CECR2: variants seen among roughly 807,000 people sequenced by gnomAD.
CECR2 encodes the protein chromatin remodeling regulator CECR2.
CECR2 carries 30 observed loss-of-function variants against 154.5 expected under a neutral mutation model. That is an observed-to-expected ratio of 0.19 (90% CI 0.15 to 0.26). The LOEUF (loss-of-function observed/expected upper bound fraction) is 0.26. Among genes scored for constraint, CECR2 ranks in the 10% least tolerant of loss-of-function variants. CECR2 has a pLI of 1.00. For missense variants in CECR2, 1,743 were observed against 1,829.3 expected (o/e 0.95, Z 0.86); for synonymous variants, 725 against 683.7 (o/e 1.06, Z -0.94).
chr22:17,461,854 A>G (rs1302561226), intron 1 of CECR2, among the ~76,000 whole-genome samples: 3 of 148,458 alleles, frequency 2.0e-5, no homozygotes, highest in African/African-American at 7.5e-5. Context: ...GTGCAATGGC[A>G]CAACCTTGGC....
At chr22:17,501,051 G>A (rs1159601040) in intron 5 of CECR2, among the ~76,000 whole-genome samples, 3 of 152,062 alleles carry the variant, frequency 2.0e-5, no homozygotes, top group African/African-American at 7.2e-5. Flanking sequence ...AAGATACTTG[G>A]GGGATTTTCT....
At chr22:17,442,173 A>G (rs2054594773) in intron 1 of CECR2, among the ~76,000 whole-genome samples, 1 of 152,224 alleles carries the variant, frequency 6.6e-6, no homozygotes, top group East Asian at 1.9e-4. Context: ...AGAGCATGTC[A>G]TACTAGAAGA....
intron 2 of CECR2, among the ~76,000 whole-genome samples, chr22:17,483,619 TG>T: frequency 6.6e-6 from 1 of 152,314 alleles, no homozygotes; most frequent in East Asian, 1.9e-4. Flanking sequence ...AAAATATTTT[TG>T]TATAGCTCTA....
intron 1 of CECR2, among the ~76,000 whole-genome samples, chr22:17,391,494 C>T (rs1174356342): frequency 6.6e-6 from 1 of 152,220 alleles, no homozygotes; most frequent in Non-Finnish European, 1.5e-5. Flanking sequence ...CCCTGTTGAG[C>T]CTCAGCTTGT....
intron 10 of CECR2, 24 bp from the exon 11 acceptor site, chr22:17,538,496 A>T: frequency 6.2e-7 from 1 of 1,609,916 alleles, no homozygotes; most frequent in East Asian, 2.2e-5. Context: ...AGTTACTATT[A>T]ATTTCTTATT....
chr22:17,518,772 C>A, intron 8 of CECR2: 4 of 364,628 alleles, frequency 1.1e-5, no homozygotes, highest in East Asian at 8.1e-5. Flanking sequence ...TGTCACAAAT[C>A]ATATTCTTTT....
intron 4 of CECR2, 40 bp downstream of exon 4, chr22:17,499,589 A>T (rs1485547591): frequency 1.3e-6 from 2 of 1,546,592 alleles, no homozygotes; most frequent in Non-Finnish European, 1.7e-6. Flanking sequence ...CTACTGTATT[A>T]AAATGTCATT....
chr22:17,441,050 G>A (rs1390312651), intron 1 of CECR2, among the ~76,000 whole-genome samples: 1 of 152,078 alleles, frequency 6.6e-6, no homozygotes, highest in African/African-American at 2.4e-5. Flanking sequence ...CCGGGTTCAA[G>A]TGATTGTCCT....
intron 16 of CECR2, among the ~76,000 whole-genome samples, chr22:17,544,696 G>C (rs926232561): frequency 6.7e-6 from 1 of 148,546 alleles, no homozygotes; most frequent in Non-Finnish European, 1.5e-5. Flanking sequence ...TGTAGTCCCA[G>C]CTACTCAGGG....
At position 17,553,095 on chromosome 22, in the gene CECR2, A is replaced by G. The variant is rs2056733780; in HGVS notation, c.*255A>G. Reference sequence around the variant, plus strand: ...TGATGTAGACAGTCAGGCAAAACTAATGAACGTGGAGTTAATGATGACTTT... The same window carrying G: ...TGATGTAGACAGTCAGGCAAAACTAGTGAACGTGGAGTTAATGATGACTTT... On this transcript the variant is annotated 3_prime_UTR_variant, in exon 19 of 19. Coordinates refer to ENST00000262608, the MANE Select transcript of CECR2 (RefSeq NM_001290047.2). The G allele has an allele frequency of 9.1e-6, 6 of 661,994 alleles. No homozygotes were observed. The highest frequency in any genetic ancestry group is 1.3e-5 in the Non-Finnish European group (6 of 470,014). The allele number at this position is 661,994 out of a possible 1,614,324, so 41.0% of individuals were successfully genotyped here. A position where few individuals can be genotyped will look rare whatever the true frequency, so the allele number is the denominator to read the frequency against.
intron 1 of CECR2, among the ~76,000 whole-genome samples, chr22:17,414,136 C>A (rs890816362): frequency 8.6e-5 from 13 of 150,958 alleles, no homozygotes; most frequent in Admixed American, 2.7e-4. Context: ...CCACGCCTGG[C>A]TAATTTTTTG....
intron 1 of CECR2, among the ~76,000 whole-genome samples, chr22:17,404,368 C>CTTTTTTT (rs1161498081): frequency 2.8e-4 from 8 of 28,718 alleles, no homozygotes; most frequent in Admixed American, 9.9e-4. Flanking sequence ...CCTGTTCTTT[C>CTTTTTTT]TTTTTTTTTT....
Position 17,540,518 on chromosome 22 carries a change from G to A in CECR2, c.1602G>A (p.Glu534=). The change falls in exon 14 of 19, where the codon GAG becomes GAA. Residue 534 remains glutamate (E), a synonymous_variant. Transcript: ENST00000262608. ...GDTDEEFWIR[E]DEKREKRRSR... ...CAGATGAAGAATTTTGGATTCGAGA[G>A]GATGAAAAGCGGGAGAAAAGACGGA... 6.2e-7 allele frequency: 1 copy of A among 1,611,926 alleles called. No homozygotes were observed. Among genetic ancestry groups the A allele is most frequent in the South Asian group, 1.1e-5 (1 of 90,636 alleles).
At chr22:17,538,367 G>A (rs2056469272) in intron 10 of CECR2, among the ~76,000 whole-genome samples, 153 bp from the exon 11 acceptor site, 1 of 152,186 alleles carries the variant, frequency 6.6e-6, no homozygotes, top group East Asian at 1.9e-4. Context: ...TGTATTTCCA[G>A]GGAGTGTTAT....
intron 16 of CECR2, among the ~76,000 whole-genome samples, chr22:17,544,179 AAG>A (rs1294962784): frequency 6.6e-6 from 1 of 152,152 alleles, no homozygotes; most frequent in Non-Finnish European, 1.5e-5. Context: ...CAGCCTGGGC[AAG>A]AGAGTAAGAC....
chr22:17,539,887 G>T (rs532917565), intron 13 of CECR2, among the ~76,000 whole-genome samples: 1 of 152,126 alleles, frequency 6.6e-6, no homozygotes, highest in African/African-American at 2.4e-5. Context: ...AAGCAGGAGT[G>T]CAGTAGGGCA....
At position 17,369,527 on chromosome 22, in the gene CECR2, G is replaced by T. The variant is rs1305033491; in HGVS notation, c.-257G>T. On this transcript the variant is annotated 5_prime_UTR_variant, in exon 1 of 19. Coordinates refer to ENST00000262608, the MANE Select transcript of CECR2 (RefSeq NM_001290047.2). ...GGGGGCGGCCGCCGCCGCAGCCGCG[G>T]GATGGGGCGAGCGCGCGGACCCCGC... is the stretch of plus-strand genomic sequence containing the variant. 1 of 149,074 alleles carries T rather than the reference G, an allele frequency of 6.7e-6. No homozygotes were observed. The highest frequency in any genetic ancestry group is 6.7e-5 in the Admixed American group (1 of 14,994). 9.2% of individuals were successfully genotyped at this position (149,074 alleles called of 1,614,324 possible). A position where few individuals can be genotyped will look rare whatever the true frequency, so the allele number is the denominator to read the frequency against.
intron 1 of CECR2, among the ~76,000 whole-genome samples, chr22:17,401,998 A>AT (rs1453128332): frequency 1.3e-5 from 2 of 151,978 alleles, no homozygotes; most frequent in African/African-American, 2.4e-5. Context: ...AACTTTTTTT[A>AT]TTGGAGACAG....
chr22:17,441,645 A>G (rs1455289236), intron 1 of CECR2, among the ~76,000 whole-genome samples: 3 of 150,802 alleles, frequency 2.0e-5, no homozygotes, highest in Non-Finnish European at 4.4e-5. Flanking sequence ...TTCTTTTTTG[A>G]GGATATTGCC....
Sources: allele counts gnomAD v4.1 joint callset (sites outside exome capture counted in the v4.1 genomes callset), GRCh38; gene constraint gnomAD v4.1.1; transcripts MANE v1.5; gene names NCBI Gene and HGNC (gene_info 2026-07-23, HGNC 2026-07-21).